The following LCMT1 variants were observed in gnomAD, a reference collection of about 807,000 sequenced individuals.
LCMT1 encodes the protein [Phosphatase 2A protein]-leucine-carboxy methyltransferase 1.
LCMT1 carries 32 observed loss-of-function variants against 47.7 expected under a neutral mutation model. That is an observed-to-expected ratio of 0.67 (90% confidence interval 0.51 to 0.90). The LOEUF (loss-of-function observed/expected upper bound fraction) is 0.90. LCMT1 is among the 40% of genes least tolerant of loss of function. The probability of loss-of-function intolerance (pLI) is 0.00; values close to 1 mark genes in which losing one functional copy is unlikely to be tolerated. For missense variants in LCMT1, 375 were observed against 415.2 expected, an observed-to-expected ratio of 0.90 and a Z score of 0.84; for synonymous variants, 152 against 149.7, an observed-to-expected ratio of 1.02 and a Z score of -0.11.
rs73563497 is a variant in LCMT1 at position 25,149,961 on chromosome 16, G to T, written c.405-1593G>T. ...AGGTTACCTGGTCCAGAATAGATGT[G>T]CAGTAAGTGGGTTTTTGTGTATATG... On this transcript the variant is annotated intron_variant, in intron 4 of 10. Coordinates refer to ENST00000399069, the MANE Select transcript of LCMT1 (RefSeq NM_016309.3). Among the ~76,000 whole-genome samples, 487 of 151,036 alleles carry T rather than the reference G, an allele frequency of 3.2e-3. 2 individuals carry two copies. The highest frequency in any genetic ancestry group is 0.011 in the African/African-American group (468 of 41,116).
intron 4 of LCMT1, chr16:25,140,914 G>C (rs1016858504): frequency 2.0e-5 from 3 of 152,130 alleles, no homozygotes; most frequent in Non-Finnish European, 4.4e-5. Context: ...TTCCATTTCT[G>C]TTCTATCTCT....
chr16:25,119,906 A>G (rs2099668467), intron 1 of LCMT1, among the ~76,000 whole-genome samples: 1 of 152,092 alleles, frequency 6.6e-6, no homozygotes, highest in Non-Finnish European at 1.5e-5. Context: ...CATGCCTGTA[A>G]TCCCAGCACT....
At chr16:25,158,629 AG>A (rs1253531811) in intron 5 of LCMT1, among the ~76,000 whole-genome samples, 1 of 152,244 alleles carries the variant, frequency 6.6e-6, no homozygotes, top group African/African-American at 2.4e-5. Context: ...GCCTCTTGCC[AG>A]TGCTAGATTT....
intron 1 of LCMT1, among the ~76,000 whole-genome samples, chr16:25,121,527 C>T (rs938062502): frequency 3.3e-5 from 5 of 152,090 alleles, no homozygotes; most frequent in Admixed American, 1.3e-4. Context: ...AGTTTGTTCT[C>T]ATACTGCTAT....
Position 25,154,913 on chromosome 16 carries a change from G to GATTTTGCC in LCMT1, c.466+3301_466+3302insTTGCCATT, listed in dbSNP as rs149935676. Among the ~76,000 whole-genome samples the GATTTTGCC allele has an allele frequency of 8.7e-3, 1,326 of 152,146 alleles. 17 individuals are homozygous for GATTTTGCC. The highest frequency in any genetic ancestry group is 0.03 in the African/African-American group (1,263 of 41,496). The stretch of plus-strand genomic sequence containing the variant: ...TTTACTCTGGTTCTTTATAGTTTTT[G>GATTTTGCC]ATTGTGCTGAGAAAGGAGAATTTGA... On this transcript the variant is annotated intron_variant, in intron 5 of 10. Transcript: ENST00000399069.
chr16:25,152,620 T>TG, intron 5 of LCMT1, among the ~76,000 whole-genome samples: 1 of 152,158 alleles, frequency 6.6e-6, no homozygotes, highest in Non-Finnish European at 1.5e-5. Flanking sequence ...TAGCTTTTCT[T>TG]GGAAAAAACT....
intron 9 of LCMT1, among the ~76,000 whole-genome samples, chr16:25,173,387 T>C (rs1251741449): frequency 6.6e-6 from 1 of 152,222 alleles, no homozygotes; most frequent in Admixed American, 6.5e-5. Context: ...GGATGTCTCC[T>C]GGTAGAATGA....
intron 3 of LCMT1, among the ~76,000 whole-genome samples, chr16:25,135,550 A>G (rs979731328): frequency 6.6e-6 from 1 of 152,170 alleles, no homozygotes; most frequent in Non-Finnish European, 1.5e-5. Context: ...GCAGTTTGCC[A>G]ATCTCTGTTT....
rs1381021185 is a variant in LCMT1 at position 25,164,646 on chromosome 16, A to G, written c.618A>G (p.Pro206=). The G allele has an allele frequency of 2.5e-6, 4 of 1,613,884 alleles. No homozygotes were observed. Among genetic ancestry groups the G allele is most frequent in the Non-Finnish European group, 3.4e-6 (4 of 1,179,874 alleles). The change falls in exon 7 of 11, where the codon CCA becomes CCG. Residue 206 remains proline (P), a synonymous_variant. Coordinates refer to ENST00000399069, the MANE Select transcript of LCMT1 (RefSeq NM_016309.3). ...AATGTGTGCTGGTTTACATGACTCC[A>G]GAGCAGTCCGCAAACCTCCTGAAGT... is the stretch of plus-strand genomic sequence containing the variant. ...IAECVLVYMT[P]EQSANLLKWA...
At position 25,111,798 on chromosome 16, in the gene LCMT1, T is replaced by A. The variant is rs962260950; in HGVS notation, c.-86T>A. 9.0e-6 allele frequency: 8 copies of A among 892,588 alleles called. No individual in the cohort carries two copies. Among genetic ancestry groups the A allele is most frequent in the Non-Finnish European group, 1.5e-5 (8 of 550,706 alleles). The allele number at this position is 892,588 out of a possible 1,614,324, so 55.3% of individuals were successfully genotyped here. On this transcript the variant is annotated 5_prime_UTR_variant, in exon 1 of 11. Coordinates refer to ENST00000399069, the MANE Select transcript of LCMT1 (RefSeq NM_016309.3). ...GGCCCTACCCTCTTCTGTTGCTTTC[T>A]CCCTGTGGCTCGCGCCGTCCCCCGC...
chr16:25,164,758 C>T (rs778791989), intron 7 of LCMT1, 40 bp downstream of exon 7: 10 of 1,613,242 alleles, frequency 6.2e-6, no homozygotes, highest in African/African-American at 5.3e-5. Context: ...CATACAGGAT[C>T]GCCGTGGTGG....
rs370791605 is a variant in LCMT1, at chr16:25,140,213, C to A, written c.370C>A (p.Pro124Thr). ...AAGTAAATATTTTGAGGTTGACTTT[C>A]CAATGATTGTCACGAGAAAGCTGCA... ...LPSKYFEVDF[P>T]MIVTRKLHSI... Residue 124 changes from proline to threonine, a missense_variant, in exon 4 of 11, where the codon CCA becomes ACA. Transcript: ENST00000399069. The A allele has an allele frequency of 8.0e-5, 128 of 1,608,210 alleles. No homozygotes were observed. The highest frequency in any genetic ancestry group is 5.0e-4 in the Middle Eastern group (3 of 6,054).
At chr16:25,133,372 C>G (rs1960408439) in intron 3 of LCMT1, among the ~76,000 whole-genome samples, 1 of 135,708 alleles carries the variant, frequency 7.4e-6, no homozygotes, top group Non-Finnish European at 1.6e-5. Context: ...TGGTCTTTGG[C>G]TCCTGGGCTT....
intron 1 of LCMT1, among the ~76,000 whole-genome samples, chr16:25,126,910 C>T (rs1960209171): frequency 6.6e-6 from 1 of 152,232 alleles, no homozygotes; most frequent in Admixed American, 6.5e-5. Flanking sequence ...TGAGTATTCT[C>T]ATCTGTGGGT....
chr16:25,135,357 G>A (rs1295909580), intron 3 of LCMT1, among the ~76,000 whole-genome samples: 4 of 151,702 alleles, frequency 2.6e-5, no homozygotes, highest in Non-Finnish European at 2.9e-5. Context: ...GTAGCCCAGG[G>A]CCAAATCTGG....
intron 1 of LCMT1, among the ~76,000 whole-genome samples, chr16:25,113,025 C>T (rs1266983933): frequency 6.6e-6 from 1 of 151,242 alleles, no homozygotes; most frequent in African/African-American, 2.4e-5. Context: ...CCTGTAATCC[C>T]AGCTACTCGG....
intron 9 of LCMT1, among the ~76,000 whole-genome samples, chr16:25,173,732 A>T (rs1018903765): frequency 3.3e-5 from 5 of 150,412 alleles, no homozygotes; most frequent in African/African-American, 9.8e-5. Flanking sequence ...TTTGATAGAG[A>T]TGGAGTCTTG....
intron 5 of LCMT1, among the ~76,000 whole-genome samples, chr16:25,156,257 T>C (rs986032561): frequency 6.6e-6 from 1 of 152,204 alleles, no homozygotes; most frequent in Non-Finnish European, 1.5e-5. Flanking sequence ...TCTTGATTAC[T>C]CATTTATTTA....
At chr16:25,130,997 T>G (rs1960335894) in intron 2 of LCMT1, among the ~76,000 whole-genome samples, 1 of 152,358 alleles carries the variant, frequency 6.6e-6, no homozygotes. Flanking sequence ...GAATTACTTT[T>G]TGATGCCTTA....
Sources: allele counts gnomAD v4.1 joint callset (sites outside exome capture counted in the v4.1 genomes callset), GRCh38; gene constraint gnomAD v4.1.1; transcripts MANE v1.5; gene names NCBI Gene and HGNC (gene_info 2026-07-23, HGNC 2026-07-21).